Variants in PRIM2 observed in about 807,000 individuals in gnomAD.
PRIM2 encodes DNA primase subunit 2, also known as DNA primase large subunit.
A neutral mutation model predicts 67.3 loss-of-function variants in PRIM2; 39 were observed. The ratio of observed to expected loss-of-function variants is 0.58; its 90% CI spans 0.45 to 0.76. PRIM2 has a LOEUF of 0.76. Ranked by LOEUF, PRIM2 falls within the 30% of genes least tolerant of loss-of-function variation. The pLI is 0.00. For missense variants in PRIM2, 398 were observed against 598.7 expected (o/e 0.66, Z 3.50); for synonymous variants, 143 against 198.7 (o/e 0.72, Z 2.36).
chr6:57,555,116 C>T (rs1441622718), intron 10 of PRIM2, among the ~76,000 whole-genome samples: 1 of 152,148 alleles, frequency 6.6e-6, no homozygotes, highest in Admixed American at 6.5e-5. Context: ...TGTTATTTCT[C>T]TTTGAAACAT....
the PRIM2 span, among the ~76,000 whole-genome samples, chr6:57,300,379 G>C: frequency 2.0e-5 from 3 of 152,160 alleles, no homozygotes; most frequent in Non-Finnish European, 4.4e-5. Flanking sequence ...CTGGGCTTCA[G>C]CTCTGAGTGG....
chr6:57,432,159 A>G (rs1218070778), intron 7 of PRIM2, among the ~76,000 whole-genome samples: 5 of 152,222 alleles, frequency 3.3e-5, no homozygotes, highest in Non-Finnish European at 5.9e-5. Flanking sequence ...AAGTAAGATT[A>G]TAAATTTGCC....
chr6:57,246,243 G>T, the PRIM2 span, among the ~76,000 whole-genome samples: 1 of 152,134 alleles, frequency 6.6e-6, no homozygotes. Context: ...CTTGGTCTAT[G>T]TTTCAAAGGT....
the PRIM2 span, among the ~76,000 whole-genome samples, chr6:57,264,900 T>G: frequency 6.6e-6 from 1 of 152,110 alleles, no homozygotes; most frequent in Non-Finnish European, 1.5e-5. Context: ...TCAAAAACTT[T>G]TAAGAATGTA....
chr6:57,407,665 A>G (rs1413658388), intron 7 of PRIM2, among the ~76,000 whole-genome samples: 24 of 152,232 alleles, frequency 1.6e-4, no homozygotes, highest in African/African-American at 5.8e-4. Flanking sequence ...CATGGGGTGA[A>G]GAGCAGGGAG....
rs1357419622 is a variant in PRIM2 at position 57,351,064 on chromosome 6, C to T, written c.459+25019C>T. Among the ~76,000 whole-genome samples, 3 of 150,010 alleles carry T rather than the reference C, an allele frequency of 2.0e-5. No individual in the cohort carries two copies. The East Asian group carries it at 5.8e-4, about 29-fold the overall frequency. On this transcript the variant is annotated intron_variant, in intron 5 of 13. Transcript: ENST00000615550. ...AGTATGATGAAGAGAACTGCAACAG[C>T]TGAGTAAATAAAGGATTGGGGAATT...
At chr6:57,392,188 G>A (rs1448738076) in intron 7 of PRIM2, among the ~76,000 whole-genome samples, 1 of 152,206 alleles carries the variant, frequency 6.6e-6, no homozygotes, top group East Asian at 1.9e-4. Flanking sequence ...TTTTGTTGGT[G>A]TATAGGAATG....
chr6:57,390,455 T>C (rs7752133), intron 7 of PRIM2, among the ~76,000 whole-genome samples: 10,053 of 151,798 alleles, frequency 0.066, 708 homozygotes, highest in African/African-American at 0.18. Context: ...ACTCATGTCA[T>C]GGGGGCTTGT....
chr6:57,371,547 A>G (rs2208356), intron 5 of PRIM2, among the ~76,000 whole-genome samples: 2 of 152,248 alleles, frequency 1.3e-5, no homozygotes, highest in Non-Finnish European at 2.9e-5. Context: ...GATCTAGGCA[A>G]GATTTATTTG....
At chr6:57,477,336 A>T (rs1265351515) in intron 7 of PRIM2, among the ~76,000 whole-genome samples, 14 of 152,154 alleles carry the variant, frequency 9.2e-5, no homozygotes, top group South Asian at 2.1e-4. Flanking sequence ...GAAAATGATA[A>T]GTTATATATT....
chr6:57,251,899 T>C, the PRIM2 span, among the ~76,000 whole-genome samples: 1 of 152,316 alleles, frequency 6.6e-6, no homozygotes, highest in East Asian at 1.9e-4. Flanking sequence ...TTTCACCTGT[T>C]GGGTGAATTA....
intron 7 of PRIM2, among the ~76,000 whole-genome samples, chr6:57,428,525 A>T (rs1771707147): frequency 6.6e-6 from 1 of 152,162 alleles, no homozygotes; most frequent in Non-Finnish European, 1.5e-5. Context: ...AGGGCTCCCT[A>T]TTCAAGTTTT....
chr6:57,275,901 T>C, the PRIM2 span, among the ~76,000 whole-genome samples: 3 of 152,160 alleles, frequency 2.0e-5, no homozygotes, highest in Admixed American at 1.3e-4. Context: ...TGCAAAACTA[T>C]CTATACATCA....
intron 7 of PRIM2, among the ~76,000 whole-genome samples, chr6:57,401,245 C>T (rs1770696428): frequency 1.3e-5 from 2 of 152,066 alleles, no homozygotes; most frequent in Admixed American, 6.5e-5. Flanking sequence ...ACTTTAACCT[C>T]AGTGTAGATC....
At chr6:57,634,150 T>A (rs1288606057) in intron 13 of PRIM2, among the ~76,000 whole-genome samples, 1 of 152,220 alleles carries the variant, frequency 6.6e-6, no homozygotes, top group Non-Finnish European at 1.5e-5. Flanking sequence ...TAACTATGAC[T>A]GTACTGTCCT....
chr6:57,363,430 T>C (rs962016340), intron 5 of PRIM2, among the ~76,000 whole-genome samples: 5 of 152,212 alleles, frequency 3.3e-5, no homozygotes, highest in Non-Finnish European at 7.4e-5. Context: ...GTGAAATGTG[T>C]TTTTTTATGT....
chr6:57,595,611 T>C (rs1179614001), intron 10 of PRIM2, among the ~76,000 whole-genome samples: 1 of 152,170 alleles, frequency 6.6e-6, no homozygotes, highest in African/African-American at 2.4e-5. Flanking sequence ...CTTCTCAGGT[T>C]CAGTAATGTG....
chr6:57,436,088 T>G (rs983792774), intron 7 of PRIM2, among the ~76,000 whole-genome samples: 1 of 152,220 alleles, frequency 6.6e-6, no homozygotes, highest in African/African-American at 2.4e-5. Flanking sequence ...CCTCTTTTTG[T>G]TCTGTTACCG....
the PRIM2 span, among the ~76,000 whole-genome samples, chr6:57,233,306 A>G: frequency 6.6e-6 from 1 of 152,214 alleles, no homozygotes; most frequent in Non-Finnish European, 1.5e-5. Flanking sequence ...TTCATCCATC[A>G]TACATTGAGT....
Sources: gnomAD v4.1 joint callset for allele counts (sites outside exome capture counted in the v4.1 genomes callset) on GRCh38, gnomAD v4.1.1 for gene constraint, MANE v1.5 for transcripts, NCBI Gene and HGNC (gene_info 2026-07-23, HGNC 2026-07-21) for gene names.